POLA1: variants seen among roughly 807,000 people sequenced by gnomAD.
The protein encoded by POLA1 is DNA polymerase alpha 1, catalytic subunit, also known as DNA polymerase alpha catalytic subunit.
A neutral mutation model predicts 124.0 loss-of-function variants in POLA1; 15 were observed. The observed-to-expected ratio is 0.12, with a 90% CI of 0.08 to 0.19. POLA1 has a LOEUF of 0.19. POLA1 is among the 10% of genes least tolerant of loss of function. The pLI, the probability that POLA1 is intolerant of heterozygous loss-of-function variation, is 1.00. For missense variants in POLA1, 886 were observed against 1,103.4 expected (o/e 0.80, Z 2.79); for synonymous variants, 408 against 389.4 (o/e 1.05, Z -0.56).
At chrX:24,949,031 A>C (rs1318862704) in intron 36 of POLA1, among the ~76,000 whole-genome samples, 1 of 111,867 alleles carries the variant, frequency 8.9e-6, no homozygotes, top group African/African-American at 3.2e-5. Flanking sequence ...GGAGAATGGT[A>C]ATTTATATAA....
At chrX:24,803,105 GT>G (rs1942834907) in intron 26 of POLA1, among the ~76,000 whole-genome samples, 1 of 112,078 alleles carries the variant, frequency 8.9e-6, no homozygotes, top group Admixed American at 9.4e-5. Context: ...CTGGTTAAGG[GT>G]TTGGAGGAGA....
intron 26 of POLA1, among the ~76,000 whole-genome samples, chrX:24,768,655 A>G (rs2044962307): frequency 8.9e-6 from 1 of 112,349 alleles, no homozygotes; most frequent in African/African-American, 3.2e-5. Flanking sequence ...AAGCAAAAAT[A>G]GCCTATTTTT....
At chrX:24,695,652 A>G in intron 1 of POLA1, among the ~76,000 whole-genome samples, 1 of 109,996 alleles carries the variant, frequency 9.1e-6, no homozygotes, top group Non-Finnish European at 1.9e-5. Flanking sequence ...AATTTTTTGT[A>G]TTTTCAGTAG....
intron 36 of POLA1, among the ~76,000 whole-genome samples, chrX:24,940,738 C>T (rs1390481734): frequency 8.9e-6 from 1 of 111,893 alleles, no homozygotes; most frequent in Non-Finnish European, 1.9e-5. Flanking sequence ...ATCAGATATT[C>T]GTTTTTTTCT....
chrX:24,879,785 CT>C (rs902358384), intron 34 of POLA1, among the ~76,000 whole-genome samples: 6 of 111,665 alleles, frequency 5.4e-5, no homozygotes, highest in African/African-American at 2.0e-4. Context: ...CTCTATTGAA[CT>C]TTTTTCCCCA....
intron 24 of POLA1, among the ~76,000 whole-genome samples, chrX:24,746,870 G>A (rs745627572): frequency 3.6e-5 from 4 of 111,999 alleles, no homozygotes; most frequent in Non-Finnish European, 7.5e-5. Flanking sequence ...AAACCAAGAG[G>A]TTTATTTTTA....
At chrX:24,952,843 C>T (rs1203183496) in intron 36 of POLA1, among the ~76,000 whole-genome samples, 4 of 112,148 alleles carry the variant, frequency 3.6e-5, no homozygotes, top group Non-Finnish European at 5.6e-5. Flanking sequence ...ATTTTTATTT[C>T]TGTCCATTTG....
chrX:24,930,458 T>C lies in POLA1; in HGVS notation c.4170T>C (p.Ser1390=), dbSNP rs778948090. The stretch of plus-strand genomic sequence containing the variant: ...TATTTTCTGTTATATTACAGTATTC[T>C]GACAAGTCCCTGTACACCCAGCTGT... ...CMKATLQPEY[S]DKSLYTQLCF... The change falls in exon 36 of 37, where the codon TCT becomes TCC. Residue 1390 remains serine (S), a synonymous_variant. Transcript: ENST00000379068. The C allele has an allele frequency of 8.5e-7, 1 of 1,171,896 alleles. No individual in the cohort carries two copies. Among genetic ancestry groups the C allele is most frequent in the South Asian group, 1.8e-5 (1 of 56,110 alleles).
intron 34 of POLA1, among the ~76,000 whole-genome samples, chrX:24,871,601 T>A (rs974121136): frequency 2.7e-5 from 3 of 110,660 alleles, no homozygotes; most frequent in East Asian, 5.6e-4. Flanking sequence ...TTTTTTTTTT[T>A]AAATTATGTT....
At chrX:24,812,375 A>G (rs1190773101) in intron 28 of POLA1, among the ~76,000 whole-genome samples, 1 of 111,801 alleles carries the variant, frequency 8.9e-6, no homozygotes, top group Non-Finnish European at 1.9e-5. Context: ...TAATTTTCAT[A>G]TATTACCTGG....
intron 26 of POLA1, among the ~76,000 whole-genome samples, chrX:24,781,012 T>C (rs2148452265): frequency 8.9e-6 from 1 of 112,661 alleles, no homozygotes; most frequent in South Asian, 3.7e-4. Context: ...CTGTTTCTTC[T>C]TGAGTGAGCT....
intron 15 of POLA1, among the ~76,000 whole-genome samples, chrX:24,731,604 G>T (rs987593140): frequency 1.8e-5 from 2 of 111,356 alleles, no homozygotes; most frequent in Non-Finnish European, 3.8e-5. Flanking sequence ...GACATTTTTG[G>T]TTGTCACAAC....
intron 35 of POLA1, among the ~76,000 whole-genome samples, chrX:24,914,196 C>T (rs1333797858): frequency 9.0e-6 from 1 of 110,618 alleles, no homozygotes; most frequent in Non-Finnish European, 1.9e-5. Context: ...TTAAAAAAAT[C>T]GTGGAACTGT....
intron 4 of POLA1, among the ~76,000 whole-genome samples, chrX:24,712,692 C>G (rs1379829201): frequency 9.0e-6 from 1 of 111,331 alleles, no homozygotes; most frequent in Non-Finnish European, 1.9e-5. Context: ...TCACTGGACC[C>G]AAATTGCAAA....
chrX:24,937,676 G>C (rs1375020282), intron 36 of POLA1, among the ~76,000 whole-genome samples: 2 of 111,830 alleles, frequency 1.8e-5, no homozygotes, highest in East Asian at 5.6e-4. Context: ...GTGGAAGCTT[G>C]TTAGAAATGC....
chrX:24,772,697 C>A (rs1226593731), intron 26 of POLA1, among the ~76,000 whole-genome samples: 1 of 111,604 alleles, frequency 9.0e-6, no homozygotes, highest in Non-Finnish European at 1.9e-5. Flanking sequence ...CCAGCTCCAT[C>A]CATGTTCCTG....
intron 34 of POLA1, among the ~76,000 whole-genome samples, chrX:24,877,990 G>C (rs1428544477): frequency 9.3e-6 from 1 of 107,610 alleles, no homozygotes; most frequent in African/African-American, 3.4e-5. Context: ...TGTGAAAGTG[G>C]CATGAAAGCA....
intron 26 of POLA1, among the ~76,000 whole-genome samples, chrX:24,795,934 G>A (rs1048701437): frequency 3.6e-5 from 4 of 111,636 alleles, no homozygotes; most frequent in African/African-American, 1.3e-4. Context: ...AATCTAATTA[G>A]TGACAAAAGC....
At chrX:24,881,408 C>G (rs2147128236) in intron 34 of POLA1, among the ~76,000 whole-genome samples, 1 of 111,650 alleles carries the variant, frequency 9.0e-6, no homozygotes, top group African/African-American at 3.3e-5. Context: ...ATCCCCTGAA[C>G]AACACTAATA....
Sources: allele counts gnomAD v4.1 joint callset (sites outside exome capture counted in the v4.1 genomes callset), GRCh38; gene constraint gnomAD v4.1.1; transcripts MANE v1.5; gene names NCBI Gene and HGNC (gene_info 2026-07-23, HGNC 2026-07-21).